The following PTPRG variants were observed in gnomAD, a reference collection of about 807,000 sequenced individuals.
The protein encoded by PTPRG is receptor-type tyrosine-protein phosphatase gamma.
PTPRG carries 102 observed loss-of-function variants against 165.3 expected under a neutral mutation model. That is an observed-to-expected ratio of 0.62 (90% CI 0.53 to 0.73). The LOEUF (loss-of-function observed/expected upper bound fraction) is 0.73. Among genes scored for constraint, PTPRG ranks in the 30% least tolerant of loss-of-function variants. The probability of loss-of-function intolerance (pLI) is 0.00; values close to 1 mark genes in which losing one functional copy is unlikely to be tolerated. For synonymous variants in PTPRG, 675 were observed against 669.5 expected (o/e 1.01, Z -0.13); for missense variants, 1,866 against 1,861.4 (o/e 1.00, Z -0.05).
intron 2 of PTPRG, among the ~76,000 whole-genome samples, chr3:61,876,475 A>G (rs577720643): frequency 2.4e-4 from 36 of 152,352 alleles, no homozygotes; most frequent in Admixed American, 5.9e-4. Context: ...GCCACAGTCA[A>G]CATTTGGGGA....
At chr3:61,931,848 C>T (rs2039369528) in intron 2 of PTPRG, among the ~76,000 whole-genome samples, 1 of 152,146 alleles carries the variant, frequency 6.6e-6, no homozygotes, top group Non-Finnish European at 1.5e-5. Flanking sequence ...ATGACAAACT[C>T]TCATGTTTAA....
chr3:61,921,093 T>C (rs915670651), intron 2 of PTPRG, among the ~76,000 whole-genome samples: 4 of 150,524 alleles, frequency 2.7e-5, no homozygotes, highest in African/African-American at 9.8e-5. Flanking sequence ...CCTTCTTGTC[T>C]TCCATCCATC....
At chr3:61,662,774 A>G (rs1702701190) in intron 1 of PTPRG, among the ~76,000 whole-genome samples, 1 of 152,182 alleles carries the variant, frequency 6.6e-6, no homozygotes, top group Non-Finnish European at 1.5e-5. Flanking sequence ...TAGATTTGGT[A>G]CTTAGCATCA....
At chr3:61,644,750 G>A (rs1702157250) in intron 1 of PTPRG, among the ~76,000 whole-genome samples, 1 of 152,112 alleles carries the variant, frequency 6.6e-6, no homozygotes, top group Non-Finnish European at 1.5e-5. Flanking sequence ...TTTAGAAGAA[G>A]GGTTTTAATG....
chr3:62,137,092 A>C (rs1292038357), intron 6 of PTPRG, among the ~76,000 whole-genome samples: 1 of 152,110 alleles, frequency 6.6e-6, no homozygotes, highest in Non-Finnish European at 1.5e-5. Flanking sequence ...CCATCTATCT[A>C]CTCATGCAGT....
At chr3:62,131,483 C>G (rs533749837) in intron 5 of PTPRG, among the ~76,000 whole-genome samples, 4 of 152,090 alleles carry the variant, frequency 2.6e-5, no homozygotes, top group Admixed American at 2.0e-4. Context: ...AAAATTAATT[C>G]TAGGGGTGGC....
At chr3:61,951,587 G>A (rs1161089259) in intron 2 of PTPRG, among the ~76,000 whole-genome samples, 3 of 152,150 alleles carry the variant, frequency 2.0e-5, no homozygotes, top group Admixed American at 6.5e-5. Flanking sequence ...CTCCTTGAGG[G>A]CAGAGGACTC....
chr3:62,091,915 CTT>C (rs1369026374), intron 5 of PTPRG, among the ~76,000 whole-genome samples: 2 of 152,060 alleles, frequency 1.3e-5, no homozygotes, highest in Non-Finnish European at 2.9e-5. Flanking sequence ...TACCTTCTCT[CTT>C]GTGTCCCTTC....
chr3:61,865,764 G>T (rs1466727126), intron 2 of PTPRG, among the ~76,000 whole-genome samples: 5 of 152,128 alleles, frequency 3.3e-5, no homozygotes, highest in African/African-American at 1.2e-4. Flanking sequence ...CACTGCTCTA[G>T]AAAATGTATT....
At chr3:62,176,828 A>G (rs1381656789) in intron 8 of PTPRG, among the ~76,000 whole-genome samples, 1 of 152,194 alleles carries the variant, frequency 6.6e-6, no homozygotes, top group Admixed American at 6.5e-5. Context: ...GAACGAATGA[A>G]TAAATAATAA....
intron 4 of PTPRG, among the ~76,000 whole-genome samples, chr3:62,034,912 T>C (rs1559758903): frequency 1.3e-5 from 2 of 152,154 alleles, no homozygotes; most frequent in Non-Finnish European, 2.9e-5. Flanking sequence ...ATTAACTTAG[T>C]CTATGTGGCC....
chr3:62,268,020 C>G (rs1003867568), intron 19 of PTPRG, among the ~76,000 whole-genome samples: 2 of 152,010 alleles, frequency 1.3e-5, no homozygotes, highest in African/African-American at 4.8e-5. Flanking sequence ...CAGAGATGAA[C>G]AGGGTATCAG....
rs1356789172 is a variant in PTPRG, at chr3:62,267,790, A to C, written c.2845A>C (p.Met949Leu). 2 of 1,613,470 alleles carry C rather than the reference A, an allele frequency of 1.2e-6. No homozygotes were observed. Among genetic ancestry groups the C allele is most frequent in the South Asian group, 2.2e-5 (2 of 91,024 alleles). Residue 949 changes from methionine (M) to leucine (L), a missense_variant, in exon 19 of 30, where the codon ATG (methionine) becomes CTG (leucine). Met to Leu is a conservative substitution (Grantham distance 15). Coordinates refer to ENST00000474889, the MANE Select transcript of PTPRG (RefSeq NM_002841.4). ...GGAACAAAACACTGGAATCATTGTGATGATTACGAACCTTGTGGAAAAAGG... is the reference window on the plus strand; with the variant it reads ...GGAACAAAACACTGGAATCATTGTGCTGATTACGAACCTTGTGGAAAAAGG... ...IWEQNTGIIV[M>L]ITNLVEKGRR...
At chr3:62,215,187 G>A (rs1172281351) in intron 12 of PTPRG, among the ~76,000 whole-genome samples, 4 of 152,194 alleles carry the variant, frequency 2.6e-5, no homozygotes, top group Non-Finnish European at 5.9e-5. Flanking sequence ...GCTATGAGGA[G>A]CTACTTAGGA....
chr3:61,614,540 G>C (rs1311807490), intron 1 of PTPRG, among the ~76,000 whole-genome samples: 1 of 146,148 alleles, frequency 6.8e-6, no homozygotes, highest in East Asian at 2.1e-4. Flanking sequence ...TTCCCAAGTA[G>C]TTGGGACCAC....
At chr3:61,659,522 G>A (rs1575570544) in intron 1 of PTPRG, 1 of 901,772 alleles carries the variant, frequency 1.1e-6, no homozygotes, top group East Asian at 1.2e-4. Context: ...GATTTTGAGT[G>A]TTCATTTCCC....
chr3:61,843,990 G>A, intron 2 of PTPRG, among the ~76,000 whole-genome samples: 1 of 141,426 alleles, frequency 7.1e-6, no homozygotes, highest in East Asian at 2.0e-4. Context: ...TTGAAATGGA[G>A]TCTCATTCTG....
intron 2 of PTPRG, among the ~76,000 whole-genome samples, chr3:61,988,853 G>A (rs1198546893): frequency 6.6e-6 from 1 of 152,126 alleles, no homozygotes; most frequent in African/African-American, 2.4e-5. Context: ...GGACAGGGAG[G>A]CAAATGCAGT....
At chr3:62,218,661 G>C (rs1700571799) in intron 12 of PTPRG, among the ~76,000 whole-genome samples, 190 bp from the exon 13 acceptor site, 1 of 152,186 alleles carries the variant, frequency 6.6e-6, no homozygotes, top group Non-Finnish European at 1.5e-5. Context: ...CCATAGAAGA[G>C]GCCCTGTGTG....
Sources: gnomAD v4.1 joint callset for allele counts (sites outside exome capture counted in the v4.1 genomes callset) on GRCh38, gnomAD v4.1.1 for gene constraint, MANE v1.5 for transcripts, NCBI Gene and HGNC (gene_info 2026-07-23, HGNC 2026-07-21) for gene names.